Variants in ZNF423 observed in about 807,000 individuals in gnomAD.
The protein encoded by ZNF423 is Ebf-associated zinc finger protein.
ZNF423 carries 12 observed loss-of-function variants against 95.8 expected under a neutral mutation model. The observed-to-expected ratio is 0.13, with a 90% CI of 0.08 to 0.20. The LOEUF (loss-of-function observed/expected upper bound fraction) is 0.20. ZNF423 is among the 10% of genes least tolerant of loss of function. The pLI, the probability that ZNF423 is intolerant of heterozygous loss-of-function variation, is 1.00. For missense variants in ZNF423, 1,316 were observed against 1,737.1 expected (o/e 0.76, Z 4.31); for synonymous variants, 749 against 711.9 (o/e 1.05, Z -0.83).
chr16:49,756,812 C>A (rs1204790998), intron 2 of ZNF423, among the ~76,000 whole-genome samples: 1 of 152,200 alleles, frequency 6.6e-6, no homozygotes, highest in African/African-American at 2.4e-5. Flanking sequence ...TGTGAGCACC[C>A]CTGAGGACAA....
intron 2 of ZNF423, among the ~76,000 whole-genome samples, chr16:49,780,808 T>A (rs140772024): frequency 1.6e-3 from 245 of 152,372 alleles, no homozygotes; most frequent in African/African-American, 5.6e-3. Context: ...ACTCCCCAGC[T>A]GGCCCCATAT....
chr16:49,545,384 C>A (rs984007879), intron 5 of ZNF423, among the ~76,000 whole-genome samples: 2 of 152,188 alleles, frequency 1.3e-5, no homozygotes, highest in Admixed American at 6.5e-5. Context: ...AGGCGCCGGG[C>A]AGGCTTGACA....
At chr16:49,849,413 C>T (rs1199049754) in intron 1 of ZNF423, among the ~76,000 whole-genome samples, 2 of 152,228 alleles carry the variant, frequency 1.3e-5, no homozygotes, top group Non-Finnish European at 1.5e-5. Flanking sequence ...AATTTGCCAA[C>T]CTCAATGACC....
chr16:49,698,769 G>C (rs755619435), intron 3 of ZNF423, among the ~76,000 whole-genome samples: 1 of 152,208 alleles, frequency 6.6e-6, no homozygotes, highest in African/African-American at 2.4e-5. Context: ...GCCAAGGTGC[G>C]GGCCGCGCTG....
chr16:49,549,334 AC>A (rs577901982), intron 5 of ZNF423, among the ~76,000 whole-genome samples: 1 of 151,936 alleles, frequency 6.6e-6, no homozygotes, highest in Non-Finnish European at 1.5e-5. Flanking sequence ...CCCTGCCTGC[AC>A]CCCCCAGAGC....
At chr16:49,800,668 G>A (rs1232558791) in intron 1 of ZNF423, among the ~76,000 whole-genome samples, 1 of 152,164 alleles carries the variant, frequency 6.6e-6, no homozygotes, top group African/African-American at 2.4e-5. Flanking sequence ...AGCCCAAGTG[G>A]CATCTGGCAC....
rs774167276 is a variant in ZNF423 at position 49,638,001 on chromosome 16, G to A, written c.1175C>T (p.Pro392Leu). ...SSASVERGST[P>L]DSTLKPLRGQ... ...CCGCAGCGGCTTCAAGGTGGAGTCCGGGGTGGAGCCACGCTCCACAGAGGC... is the reference window on the plus strand; with the variant it reads ...CCGCAGCGGCTTCAAGGTGGAGTCCAGGGTGGAGCCACGCTCCACAGAGGC... Residue 392 changes from proline to leucine, a missense_variant, in exon 4 of 8, where the codon CCG (proline) becomes CTG (leucine). Coordinates refer to ENST00000563137, the MANE Select transcript of ZNF423 (RefSeq NM_001379286.1). The surrounding 1 kb of genome is among the most constrained non-coding windows in gnomAD (Gnocchi z 5.6). 5.0e-6 allele frequency: 8 copies of A among 1,613,960 alleles called. No homozygotes were observed. The highest frequency in any genetic ancestry group is 6.8e-6 in the Non-Finnish European group (8 of 1,180,044).
At chr16:49,571,673 T>C (rs1388718384) in intron 5 of ZNF423, among the ~76,000 whole-genome samples, 3 of 152,014 alleles carry the variant, frequency 2.0e-5, no homozygotes, top group Admixed American at 6.5e-5. Flanking sequence ...CAGTTCACCA[T>C]AGAGAACAGA....
rs370223066 is a variant in ZNF423, at chr16:49,509,234, C to T, written c.3849+14390G>A. On this transcript the variant is annotated intron_variant, in intron 7 of 7. Transcript: ENST00000563137. ...TGACTACCTCCTTCCCTCTCACTGT[C>T]CCCTGCCACTCCCATCCCTGCTGTC... Among the ~76,000 whole-genome samples the T allele has an allele frequency of 1.4e-4, 22 of 152,260 alleles. 1 individual carries two copies. The South Asian group carries it at 2.9e-3, about 20-fold the overall frequency.
At chr16:49,685,689 G>A (rs1311852967) in intron 3 of ZNF423, among the ~76,000 whole-genome samples, 6 of 152,004 alleles carry the variant, frequency 3.9e-5, no homozygotes, top group Admixed American at 2.0e-4. Context: ...CTCTGTTCTC[G>A]GTCCCCACTG....
chr16:49,540,367 C>T (rs1969205272), intron 5 of ZNF423, among the ~76,000 whole-genome samples: 1 of 152,186 alleles, frequency 6.6e-6, no homozygotes, highest in Admixed American at 6.5e-5. Context: ...CTCCATCTCT[C>T]AGGCTCAGGC....
At chr16:49,831,007 G>A (rs939340333) in intron 1 of ZNF423, among the ~76,000 whole-genome samples, 3 of 152,066 alleles carry the variant, frequency 2.0e-5, no homozygotes, top group African/African-American at 7.2e-5. Flanking sequence ...AGAAGACCCT[G>A]CAGGTTTCTC....
At chr16:49,788,710 CA>C (rs1399764400) in intron 2 of ZNF423, among the ~76,000 whole-genome samples, 1 of 152,180 alleles carries the variant, frequency 6.6e-6, no homozygotes, top group Admixed American at 6.5e-5. Flanking sequence ...TGGCCCAAGG[CA>C]GGGGAGGAGG....
intron 5 of ZNF423, among the ~76,000 whole-genome samples, chr16:49,616,708 G>A (rs1168119664): frequency 6.6e-6 from 1 of 152,150 alleles, no homozygotes; most frequent in African/African-American, 2.4e-5. Context: ...TTCTGGGTCT[G>A]TCCTCCAGGC....
rs574073313 is a variant in ZNF423 at position 49,595,415 on chromosome 16, G to A, written c.3601+30755C>T. 3.3e-5 allele frequency among the ~76,000 whole-genome samples: 5 copies of A among 152,320 alleles called. No homozygotes were observed. In the East Asian group the frequency reaches 7.7e-4, roughly 24 times the overall value. ...CCTGCCTGAACTTAAATTCCCAGGCGCACTCACTAGCATCTTCCTGCCTTC... is the reference window on the plus strand; with the variant it reads ...CCTGCCTGAACTTAAATTCCCAGGCACACTCACTAGCATCTTCCTGCCTTC... On this transcript the variant is annotated intron_variant, in intron 5 of 7. Transcript: ENST00000563137.
intron 3 of ZNF423, among the ~76,000 whole-genome samples, chr16:49,644,679 A>C (rs994673282): frequency 6.0e-4 from 87 of 144,954 alleles, no homozygotes; most frequent in African/African-American, 1.4e-3. Flanking sequence ...AAAAAAAAAA[A>C]AAAAAAAAAA....
chr16:49,628,840 C>T (rs1010537839), intron 4 of ZNF423, among the ~76,000 whole-genome samples: 15 of 152,194 alleles, frequency 9.9e-5, no homozygotes, highest in African/African-American at 3.4e-4. Flanking sequence ...AAAGAGTGAA[C>T]CTCACTCACA....
intron 3 of ZNF423, among the ~76,000 whole-genome samples, chr16:49,683,284 C>G (rs992944009): frequency 6.6e-6 from 1 of 152,188 alleles, no homozygotes; most frequent in African/African-American, 2.4e-5. Flanking sequence ...CACTGACCAG[C>G]AAATTGCACC....
intron 5 of ZNF423, among the ~76,000 whole-genome samples, chr16:49,555,446 C>T (rs947887150): frequency 6.6e-6 from 1 of 152,212 alleles, no homozygotes; most frequent in East Asian, 1.9e-4. Flanking sequence ...TGACAATGAG[C>T]TTCTGTTGTC....
Sources: gnomAD v4.1 joint callset for allele counts (sites outside exome capture counted in the v4.1 genomes callset) on GRCh38, gnomAD v4.1.1 for gene constraint, Gnocchi (gnomAD v3.1) non-coding constraint, MANE v1.5 for transcripts, NCBI Gene and HGNC (gene_info 2026-07-23, HGNC 2026-07-21) for gene names.